GLIS3: variants seen among roughly 807,000 people sequenced by gnomAD.
GLIS3 encodes zinc finger protein GLIS3.
Under a neutral mutation model 78.6 loss-of-function variants are expected in GLIS3, and 53 were observed. That is an observed-to-expected ratio of 0.67 (90% CI 0.54 to 0.85). The LOEUF is 0.85. Among genes scored for constraint, GLIS3 ranks in the 40% least tolerant of loss-of-function variants. The pLI is 0.00. For missense variants in GLIS3, 1,703 were observed against 1,231.1 expected (o/e 1.38, Z -5.74); for synonymous variants, 684 against 509.9 (o/e 1.34, Z -4.60).
At chr9:4,221,407 C>T (rs907518638) in intron 2 of GLIS3, among the ~76,000 whole-genome samples, 9 of 152,154 alleles carry the variant, frequency 5.9e-5, no homozygotes, top group African/African-American at 1.7e-4. Flanking sequence ...TTTTACTTGG[C>T]ATTTTCTTGG....
At chr9:4,478,617 A>AAG in the GLIS3 span, among the ~76,000 whole-genome samples, 1 of 151,996 alleles carries the variant, frequency 6.6e-6, no homozygotes. Context: ...AAAAAAAAAA[A>AAG]ACATCAGTAG....
chr9:4,283,292 G>A (rs553641402), intron 2 of GLIS3, among the ~76,000 whole-genome samples: 8 of 145,540 alleles, frequency 5.5e-5, no homozygotes, highest in African/African-American at 2.0e-4. Context: ...TTGAGATAGA[G>A]TCTTGCTTTC....
the GLIS3 span, among the ~76,000 whole-genome samples, chr9:4,476,978 T>C: frequency 4.6e-5 from 7 of 152,146 alleles, no homozygotes; most frequent in Non-Finnish European, 4.4e-5. Context: ...TGTAAGATGG[T>C]ACACCTGCTA....
chr9:4,194,582 G>A (rs990740179), intron 2 of GLIS3, among the ~76,000 whole-genome samples: 2 of 152,158 alleles, frequency 1.3e-5, no homozygotes, highest in African/African-American at 4.8e-5. Context: ...TGAACTCTGT[G>A]AGCTTTAATT....
intron 4 of GLIS3, among the ~76,000 whole-genome samples, chr9:4,106,154 C>T (rs1830734233): frequency 2.0e-5 from 3 of 152,276 alleles, no homozygotes; most frequent in South Asian, 4.1e-4. Flanking sequence ...TGCTGAATCA[C>T]TTGAGATGGG....
the GLIS3 span, among the ~76,000 whole-genome samples, chr9:4,434,509 G>C: frequency 6.6e-6 from 1 of 152,166 alleles, no homozygotes; most frequent in Non-Finnish European, 1.5e-5. Flanking sequence ...ATCTCAGGCA[G>C]GGAAACCAGC....
chr9:4,264,445 T>C (rs1202875530), intron 2 of GLIS3, among the ~76,000 whole-genome samples: 1 of 152,218 alleles, frequency 6.6e-6, no homozygotes, highest in African/African-American at 2.4e-5. Flanking sequence ...TTTTTTAAAA[T>C]GTAAGTTACA....
At chr9:4,482,502 G>T in the GLIS3 span, among the ~76,000 whole-genome samples, 1 of 152,202 alleles carries the variant, frequency 6.6e-6, no homozygotes, top group Non-Finnish European at 1.5e-5. Flanking sequence ...GAAAATCCAT[G>T]CAGCTGAGAT....
intron 2 of GLIS3, among the ~76,000 whole-genome samples, chr9:4,155,124 T>A (rs1157424779): frequency 6.6e-6 from 1 of 152,328 alleles, no homozygotes; most frequent in African/African-American, 2.4e-5. Flanking sequence ...TTTCTTTTAT[T>A]CTTTTTTCGG....
chr9:4,230,605 ATC>A (rs1822170151), intron 2 of GLIS3, among the ~76,000 whole-genome samples: 1 of 152,186 alleles, frequency 6.6e-6, no homozygotes, highest in Non-Finnish European at 1.5e-5. Context: ...TACTCGATGC[ATC>A]TGTGATACTG....
the GLIS3 span, among the ~76,000 whole-genome samples, chr9:4,406,743 C>T: frequency 3.9e-5 from 6 of 152,120 alleles, no homozygotes; most frequent in South Asian, 8.3e-4. Flanking sequence ...TAACCAAATA[C>T]GTGAAAGATC....
At chr9:4,075,297 G>A (rs1415602602) in intron 4 of GLIS3, among the ~76,000 whole-genome samples, 6 of 151,900 alleles carry the variant, frequency 3.9e-5, no homozygotes, top group Admixed American at 3.3e-4. Flanking sequence ...GGCCGGGCGC[G>A]GTGGCTGACA....
the GLIS3 span, among the ~76,000 whole-genome samples, chr9:4,389,955 G>A: frequency 3.3e-5 from 5 of 152,310 alleles, no homozygotes; most frequent in East Asian, 3.8e-4. Context: ...CATATAGAAC[G>A]TTCTAAGACA....
chr9:3,997,007 A>T (rs1820793971), intron 4 of GLIS3, among the ~76,000 whole-genome samples: 1 of 152,212 alleles, frequency 6.6e-6, no homozygotes, highest in Non-Finnish European at 1.5e-5. Context: ...CACTAAAACT[A>T]TTGAATCCGA....
chr9:4,284,777 G>T (rs1171477871), intron 2 of GLIS3, among the ~76,000 whole-genome samples: 1 of 151,882 alleles, frequency 6.6e-6, no homozygotes, highest in Non-Finnish European at 1.5e-5. Flanking sequence ...AATTAGCCAG[G>T]CGTTGTGGCA....
chr9:4,320,425 G>C (rs57182325), intron 2 of GLIS3, among the ~76,000 whole-genome samples: 13,640 of 152,122 alleles, frequency 0.09, 698 homozygotes, highest in Middle Eastern at 0.14. Context: ...TCCCCTTCCT[G>C]ACCCATCCCC....
intron 4 of GLIS3, among the ~76,000 whole-genome samples, chr9:4,007,472 G>A (rs1048177549): frequency 6.6e-6 from 1 of 152,044 alleles, no homozygotes; most frequent in Admixed American, 6.5e-5. Flanking sequence ...TTCTGCCACA[G>A]GGAAGAGATG....
At chr9:4,389,786 G>C in the GLIS3 span, among the ~76,000 whole-genome samples, 1 of 152,182 alleles carries the variant, frequency 6.6e-6, no homozygotes, top group Admixed American at 6.5e-5. Flanking sequence ...CCAAGAGGGA[G>C]TGAACAGTTC....
chr9:3,964,370 T>A (rs796780551), intron 4 of GLIS3, among the ~76,000 whole-genome samples: 7 of 152,332 alleles, frequency 4.6e-5, no homozygotes, highest in African/African-American at 1.7e-4. Context: ...CACACTTGCA[T>A]TAATTACATT....
Sources: allele counts gnomAD v4.1 joint callset (sites outside exome capture counted in the v4.1 genomes callset), GRCh38; gene constraint gnomAD v4.1.1; transcripts MANE v1.5; gene names NCBI Gene and HGNC (gene_info 2026-07-23, HGNC 2026-07-21).